The following CADPS variants were observed in gnomAD, a reference collection of about 807,000 sequenced individuals.
CADPS encodes calcium-dependent secretion activator 1.
A neutral mutation model predicts 167.3 loss-of-function variants in CADPS; 57 were observed. The observed-to-expected ratio is 0.34, with a 90% CI of 0.28 to 0.42. The LOEUF is 0.42. Ranked by LOEUF, CADPS falls within the 20% of genes least tolerant of loss-of-function variation. The pLI, the probability that CADPS is intolerant of heterozygous loss-of-function variation, is 1.00. For synonymous variants in CADPS, 676 were observed against 635.3 expected (o/e 1.06, Z -0.96); for missense variants, 1,414 against 1,738.1 (o/e 0.81, Z 3.32).
intron 1 of CADPS, among the ~76,000 whole-genome samples, chr3:62,830,192 A>C (rs768368659): frequency 6.6e-6 from 1 of 152,170 alleles, no homozygotes; most frequent in Non-Finnish European, 1.5e-5. Flanking sequence ...CGCCTAGTGG[A>C]TCTTCACCTT....
chr3:62,399,283 TGTATTGATAAACATCTCATGGGCATG>T lies in CADPS; in HGVS notation c.*97_*122del. 1.2e-6 allele frequency: 1 copy of T among 840,682 alleles called. No homozygotes were observed. The highest frequency in any genetic ancestry group is 1.8e-5 in the South Asian group (1 of 56,414). The allele number at this position is 840,682 out of a possible 1,614,324, so 52.1% of individuals were successfully genotyped here. A position where few individuals can be genotyped will look rare whatever the true frequency, so the allele number is the denominator to read the frequency against. Reference sequence around the variant, plus strand: ...GGTACCACATAGCTAAAATGGCAGTTGTATTGATAAACATCTCATGGGCATGGTAGTTGACAGAAAATTCCTAATGG... The same window carrying T: ...GGTACCACATAGCTAAAATGGCAGTTGTAGTTGACAGAAAATTCCTAATGG... On this transcript the variant is annotated 3_prime_UTR_variant, in exon 30 of 30. Coordinates refer to ENST00000383710, the MANE Select transcript of CADPS (RefSeq NM_003716.4). The surrounding 1 kb of genome is among the most constrained non-coding windows in gnomAD (Gnocchi z 5.6).
intron 2 of CADPS, among the ~76,000 whole-genome samples, chr3:62,763,882 T>C (rs111914246): frequency 2.0e-5 from 3 of 152,328 alleles, no homozygotes; most frequent in African/African-American, 4.8e-5. Context: ...CCTGTATTCT[T>C]ACCAGACAAA....
chr3:62,535,323 A>G (rs2074466097), intron 12 of CADPS, among the ~76,000 whole-genome samples: 1 of 151,530 alleles, frequency 6.6e-6, no homozygotes, highest in Non-Finnish European at 1.5e-5. Context: ...TAAACCTGAG[A>G]TAATCAATGA....
At position 62,873,762 on chromosome 3, in the gene CADPS, G is replaced by A. The variant is rs556271264; in HGVS notation, c.441+827C>T. Among the ~76,000 whole-genome samples the A allele has an allele frequency of 3.9e-5, 6 of 152,238 alleles. No homozygotes were observed. In the South Asian group the frequency reaches 1.2e-3, roughly 32 times the overall value. ...CAAGGCAGCAGTGGCAGGGCTTGGA[G>A]GACCCAGGCGAGCCAGAAGGTGGCG... is the stretch of plus-strand genomic sequence containing the variant. On this transcript the variant is annotated intron_variant, in intron 1 of 29. Coordinates refer to ENST00000383710, the MANE Select transcript of CADPS (RefSeq NM_003716.4).
At chr3:62,786,135 C>T (rs1019345225) in intron 1 of CADPS, among the ~76,000 whole-genome samples, 1 of 151,994 alleles carries the variant, frequency 6.6e-6, no homozygotes, top group East Asian at 1.9e-4. Context: ...ATCGCTTGAA[C>T]GTGGGAGGCA....
Position 62,602,822 on chromosome 3 carries a change from C to G in CADPS, c.1326-10074G>C, listed in dbSNP as rs920705053. ...CAGCTTGATCTCTTCTCCCTCACAT[C>G]TGTTCCTCTAAGGCTTCCCCGGCTT... On this transcript the variant is annotated intron_variant, in intron 6 of 29. Transcript: ENST00000383710. The surrounding 1 kb of genome is among the most constrained non-coding windows in gnomAD (Gnocchi z 4.4). 1.3e-5 allele frequency among the ~76,000 whole-genome samples: 2 copies of G among 152,186 alleles called. No homozygotes were observed. The highest frequency in any genetic ancestry group is 2.4e-5 in the African/African-American group (1 of 41,444).
chr3:62,585,647 A>C (rs1562498759), intron 7 of CADPS, among the ~76,000 whole-genome samples: 1 of 152,228 alleles, frequency 6.6e-6, no homozygotes, highest in Non-Finnish European at 1.5e-5. Context: ...GTATAAGAAG[A>C]TGGATGCATA....
intron 1 of CADPS, among the ~76,000 whole-genome samples, chr3:62,861,767 A>G (rs536304787): frequency 6.6e-6 from 1 of 152,308 alleles, no homozygotes; most frequent in East Asian, 1.9e-4. Context: ...GGTGAAGGGC[A>G]TCTACCATCA....
At chr3:62,825,666 G>T (rs2073910154) in intron 1 of CADPS, among the ~76,000 whole-genome samples, 1 of 152,274 alleles carries the variant, frequency 6.6e-6, no homozygotes, top group Middle Eastern at 3.4e-3. Flanking sequence ...AACTCCAATT[G>T]TTCCGGCTTC....
rs976211860 is a variant in CADPS at position 62,478,973 on chromosome 3, A to T, written c.3174-557T>A. 2.0e-5 allele frequency among the ~76,000 whole-genome samples: 3 copies of T among 152,186 alleles called. No individual in the cohort carries two copies. Among genetic ancestry groups the T allele is most frequent in the African/African-American group, 7.2e-5 (3 of 41,460 alleles). On this transcript the variant is annotated intron_variant, in intron 22 of 29. Coordinates refer to ENST00000383710, the MANE Select transcript of CADPS (RefSeq NM_003716.4). The surrounding 1 kb of genome is among the most constrained non-coding windows in gnomAD (Gnocchi z 5.7). ...AGAAATTAGGGTGACTCAGATCAAGAGGGGTACACCTGGATACCTTGATTC... is the reference window on the plus strand; with the variant it reads ...AGAAATTAGGGTGACTCAGATCAAGTGGGGTACACCTGGATACCTTGATTC...
intron 3 of CADPS, among the ~76,000 whole-genome samples, chr3:62,745,622 A>C (rs1341863484): frequency 2.0e-5 from 3 of 152,204 alleles, no homozygotes; most frequent in Non-Finnish European, 2.9e-5. Context: ...GGTAACATCC[A>C]CATTATAAAA....
chr3:62,690,471 T>C (rs1201521920), intron 3 of CADPS, among the ~76,000 whole-genome samples: 1 of 151,914 alleles, frequency 6.6e-6, no homozygotes, highest in Non-Finnish European at 1.5e-5. Flanking sequence ...AAAGGCTAAG[T>C]AACTTTCCAA....
At chr3:62,474,831 A>G (rs562493075) in intron 23 of CADPS, among the ~76,000 whole-genome samples, 42 of 152,304 alleles carry the variant, frequency 2.8e-4, no homozygotes, top group Admixed American at 2.5e-3. Context: ...CAAAAATTTA[A>G]AATCCAGCAA....
chr3:62,728,518 T>A (rs1477539066), intron 3 of CADPS, among the ~76,000 whole-genome samples: 1 of 151,890 alleles, frequency 6.6e-6, no homozygotes, highest in Non-Finnish European at 1.5e-5. Context: ...TCACAAATAA[T>A]TGTTACCAAA....
At chr3:62,591,532 G>T (rs13320552) in intron 7 of CADPS, among the ~76,000 whole-genome samples, 19 of 152,156 alleles carry the variant, frequency 1.2e-4, no homozygotes, top group African/African-American at 4.6e-4. Flanking sequence ...TGATGCTGGG[G>T]TATAGTAGGC....
chr3:62,605,056 T>C (rs2060500394), intron 6 of CADPS, among the ~76,000 whole-genome samples: 1 of 152,246 alleles, frequency 6.6e-6, no homozygotes, highest in African/African-American at 2.4e-5. Flanking sequence ...TGGCTAATTG[T>C]GTCTTTGGAA....
intron 3 of CADPS, among the ~76,000 whole-genome samples, chr3:62,717,012 C>G (rs993272189): frequency 2.0e-5 from 3 of 152,132 alleles, no homozygotes; most frequent in Non-Finnish European, 4.4e-5. Flanking sequence ...TTCATAACTT[C>G]TTGGTGGCAG....
At chr3:62,766,059 T>C in intron 1 of CADPS, 75 bp from the exon 2 acceptor site, 1 of 1,040,070 alleles carries the variant, frequency 9.6e-7, no homozygotes, top group African/African-American at 1.6e-5. Flanking sequence ...ATGCTGAAGA[T>C]GCCAGACCCA....
chr3:62,838,733 T>C (rs374209104), intron 1 of CADPS, among the ~76,000 whole-genome samples: 1 of 152,192 alleles, frequency 6.6e-6, no homozygotes, highest in South Asian at 2.1e-4. Flanking sequence ...GTACCTGAGA[T>C]ATAGTCAGTG....
Sources: gnomAD v4.1 joint callset for allele counts (sites outside exome capture counted in the v4.1 genomes callset) on GRCh38, gnomAD v4.1.1 for gene constraint, Gnocchi (gnomAD v3.1) non-coding constraint, MANE v1.5 for transcripts, NCBI Gene and HGNC (gene_info 2026-07-23, HGNC 2026-07-21) for gene names.